Variants in SENP5 observed in about 807,000 individuals in gnomAD.
SENP5 encodes the protein SUMO specific peptidase 5, also known as sentrin-specific protease 5.
Under a neutral mutation model 74.2 loss-of-function variants are expected in SENP5, and 21 were observed. The observed-to-expected ratio is 0.28, with a 90% CI of 0.20 to 0.41. The LOEUF (loss-of-function observed/expected upper bound fraction) is 0.41, where lower values mean the gene tolerates loss of function less well. Among genes scored for constraint, SENP5 ranks in the 10% least tolerant of loss-of-function variants. SENP5 has a pLI of 1.00. For missense variants in SENP5, 717 were observed against 889.1 expected (o/e 0.81, Z 2.46); for synonymous variants, 311 against 312.7 (o/e 0.99, Z 0.06).
chr3:196,928,019 G>A (rs2108867512), intron 8 of SENP5, 140 bp downstream of exon 8: 1 of 556,434 alleles, frequency 1.8e-6, no homozygotes, highest in South Asian at 2.4e-5. Context: ...AGCTGAGAAT[G>A]AACTTCAGTT....
At chr3:196,904,073 C>A (rs1714807642) in intron 6 of SENP5, among the ~76,000 whole-genome samples, 1 of 152,188 alleles carries the variant, frequency 6.6e-6, no homozygotes, top group African/African-American at 2.4e-5. Flanking sequence ...ACAATCTATT[C>A]ATAAAATCTT....
intron 2 of SENP5, among the ~76,000 whole-genome samples, chr3:196,894,663 C>G (rs1029730861): frequency 2.0e-5 from 3 of 151,894 alleles, no homozygotes; most frequent in African/African-American, 7.3e-5. Flanking sequence ...CACAGAGTCT[C>G]TTTGGATTTG....
rs76713581 is a variant in SENP5 at position 196,889,354 on chromosome 3, A to G, written c.1513+2660A>G. On this transcript the variant is annotated intron_variant, in intron 2 of 9. Coordinates refer to ENST00000323460, the MANE Select transcript of SENP5 (RefSeq NM_152699.5). ...CTTTATAGATGTAACACTTTCAAGT[A>G]CGGTTGATAAATTGAATATGCACGT... Among the ~76,000 whole-genome samples, 856 of 152,304 alleles carry G rather than the reference A, an allele frequency of 5.6e-3. 1 individual carries two copies. Among genetic ancestry groups the G allele is most frequent in the African/African-American group, 0.02 (811 of 41,574 alleles).
intron 6 of SENP5, among the ~76,000 whole-genome samples, chr3:196,908,827 A>G (rs1191546154): frequency 6.6e-6 from 1 of 152,130 alleles, no homozygotes; most frequent in Admixed American, 6.6e-5. Context: ...CTGTCTCAAA[A>G]CAAACAAACA....
intron 1 of SENP5, among the ~76,000 whole-genome samples, 164 bp from the exon 2 acceptor site, chr3:196,884,987 A>G (rs1713890439): frequency 6.6e-6 from 1 of 152,124 alleles, no homozygotes; most frequent in African/African-American, 2.4e-5. Flanking sequence ...TCCAGTTTTC[A>G]TTGTGATGAA....
In SENP5 at chr3:196,933,739, T is replaced by C. The variant is rs1196481489; in HGVS notation, c.*2816T>C. On this transcript the variant is annotated 3_prime_UTR_variant, in exon 10 of 10. Coordinates refer to ENST00000323460, the MANE Select transcript of SENP5 (RefSeq NM_152699.5). ...CCTCAGCTTCCCCAATAGCTGGGAC[T>C]ACAGGTGTGCGCCACCACTCCCAGC... 2 of 152,322 alleles carry C rather than the reference T, an allele frequency of 1.3e-5. No individual in the cohort carries two copies. Among genetic ancestry groups the C allele is most frequent in the Non-Finnish European group, 2.9e-5 (2 of 68,218 alleles). 9.4% of individuals were successfully genotyped at this position (152,322 alleles called of 1,614,324 possible).
intron 6 of SENP5, chr3:196,914,220 G>A (rs1235838455): frequency 6.6e-6 from 1 of 152,226 alleles, no homozygotes; most frequent in African/African-American, 2.4e-5. Context: ...ACCTGTTACA[G>A]CACAGAAGCA....
Position 196,886,438 on chromosome 3 carries a change from T to C in SENP5, c.1257T>C (p.Asp419=), listed in dbSNP as rs1713978982. 1.2e-6 allele frequency: 2 copies of C among 1,610,720 alleles called. No homozygotes were observed. Among genetic ancestry groups the C allele is most frequent in the Non-Finnish European group, 1.7e-6 (2 of 1,177,836 alleles). The change falls in exon 2 of 10, where the codon GAT becomes GAC. Residue 419 remains aspartate, a synonymous_variant. Transcript: ENST00000323460. ...TAAAACTGTCAGTGTCTGGAGCAGA[T>C]ACATCTGTGAGTAGCGTAGATGGGC... is the stretch of plus-strand genomic sequence containing the variant. ...DRVKLSVSGA[D]TSVSSVDGPV...
At position 196,893,986 on chromosome 3, in the gene SENP5, G is replaced by A. The variant is rs549455318; in HGVS notation, c.1514-5680G>A. Among the ~76,000 whole-genome samples, 7 of 151,984 alleles carry A rather than the reference G, an allele frequency of 4.6e-5. No individual in the cohort carries two copies. In the East Asian group the frequency reaches 1.4e-3, roughly 29 times the overall value. The stretch of plus-strand genomic sequence containing the variant: ...CTTGAAAGTCCAGAAGGAATTATGG[G>A]CTCACTGCCATTTATTTAAAAATAT... On this transcript the variant is annotated intron_variant, in intron 2 of 9. Transcript: ENST00000323460.
Position 196,918,487 on chromosome 3 carries a change from A to G in SENP5, c.1885-4927A>G, listed in dbSNP as rs371974577. On this transcript the variant is annotated intron_variant, in intron 6 of 9. Transcript: ENST00000323460. ...CTCATGAGGCTTTTATTTTGAGGTA[A>G]CCATGTAACCTCAAAACAAAAAATC... 1.3e-3 allele frequency among the ~76,000 whole-genome samples: 204 copies of G among 151,630 alleles called. 1 individual carries two copies. Among genetic ancestry groups the G allele is most frequent in the African/African-American group, 4.8e-3 (199 of 41,366 alleles).
chr3:196,902,326 C>G (rs757057928), intron 5 of SENP5, among the ~76,000 whole-genome samples: 1 of 152,146 alleles, frequency 6.6e-6, no homozygotes, highest in Non-Finnish European at 1.5e-5. Context: ...AGGAGTCTTG[C>G]TATGTTGCCC....
chr3:196,877,011 C>T (rs1337025475), intron 1 of SENP5, among the ~76,000 whole-genome samples: 1 of 151,920 alleles, frequency 6.6e-6, no homozygotes, highest in African/African-American at 2.4e-5. Context: ...ACATTGCTTA[C>T]TTTTTAATTA....
intron 1 of SENP5, among the ~76,000 whole-genome samples, chr3:196,882,629 A>G (rs534308763): frequency 6.6e-6 from 1 of 152,060 alleles, no homozygotes; most frequent in South Asian, 2.1e-4. Context: ...TCAGCCTCCC[A>G]AGTAGCTGGG....
chr3:196,929,463 A>G (rs1715942882), intron 8 of SENP5, 170 bp from the exon 9 acceptor site: 1 of 532,668 alleles, frequency 1.9e-6, no homozygotes, highest in Non-Finnish European at 3.3e-6. Flanking sequence ...AGCTCTTTTT[A>G]TGTGGCCAGG....
chr3:196,906,065 C>A (rs927294094), intron 6 of SENP5, among the ~76,000 whole-genome samples: 28 of 152,118 alleles, frequency 1.8e-4, no homozygotes, highest in African/African-American at 5.8e-4. Context: ...ACTGAAAATA[C>A]AAAAATTAGC....
intron 6 of SENP5, among the ~76,000 whole-genome samples, chr3:196,911,949 G>A (rs1408597065): frequency 6.6e-6 from 1 of 152,196 alleles, no homozygotes; most frequent in African/African-American, 2.4e-5. Context: ...GCAAGGCTGT[G>A]GAGACATAGG....
intron 6 of SENP5, among the ~76,000 whole-genome samples, chr3:196,907,483 G>A (rs1714951632): frequency 6.6e-6 from 1 of 151,400 alleles, no homozygotes; most frequent in Admixed American, 6.6e-5. Flanking sequence ...AATGGAAGAT[G>A]CTTATATTCC....
At chr3:196,870,541 ACAGAGTTT>A (rs1713169090) in intron 1 of SENP5, among the ~76,000 whole-genome samples, 1 of 151,776 alleles carries the variant, frequency 6.6e-6, no homozygotes, top group Admixed American at 6.6e-5. Context: ...TTCTTTTGAG[ACAGAGTTT>A]CACTCTTGTG....
At chr3:196,875,564 T>G (rs956289887) in intron 1 of SENP5, among the ~76,000 whole-genome samples, 1 of 152,142 alleles carries the variant, frequency 6.6e-6, no homozygotes, top group African/African-American at 2.4e-5. Flanking sequence ...TTCCATTCCT[T>G]GAAATACTGA....
Sources: gnomAD v4.1 joint callset for allele counts (sites outside exome capture counted in the v4.1 genomes callset) on GRCh38, gnomAD v4.1.1 for gene constraint, MANE v1.5 for transcripts, NCBI Gene and HGNC (gene_info 2026-07-23, HGNC 2026-07-21) for gene names.